GLRA3: variants seen among roughly 807,000 people sequenced by gnomAD.
The protein encoded by GLRA3 is glycine receptor alpha 3.
Under a neutral mutation model 60.4 loss-of-function variants are expected in GLRA3, and 44 were observed. The ratio of observed to expected loss-of-function variants is 0.73; its 90% confidence interval spans 0.57 to 0.94. The LOEUF is 0.94. GLRA3 is among the 40% of genes least tolerant of loss of function. The probability of loss-of-function intolerance (pLI) is 0.00; values close to 1 mark genes in which losing one functional copy is unlikely to be tolerated. For synonymous variants in GLRA3, 223 were observed against 192.9 expected (o/e 1.16, Z -1.29); for missense variants, 508 against 564.6 (o/e 0.90, Z 1.02).
rs920836756 is a variant in GLRA3, at chr4:174,786,005, T to C, written c.199+2811A>G. Reference sequence around the variant, plus strand: ...GCTGGTCTCAAACTCCTAGCCTCAATCAATCCTCCTGCCTCAGCCTCCCAA... The same window carrying C: ...GCTGGTCTCAAACTCCTAGCCTCAACCAATCCTCCTGCCTCAGCCTCCCAA... On this transcript the variant is annotated intron_variant, in intron 2 of 9. Transcript: ENST00000274093. 4.2e-5 allele frequency among the ~76,000 whole-genome samples: 6 copies of C among 141,550 alleles called. 1 individual carries two copies. The Admixed American group carries it at 4.5e-4, about 11-fold the overall frequency. The allele number at this position is 141,550 out of a possible 152,430, so 92.9% of individuals were successfully genotyped here. A position where few individuals can be genotyped will look rare whatever the true frequency, so the allele number is the denominator to read the frequency against.
chr4:174,687,360 T>A (rs1184941573), intron 5 of GLRA3, among the ~76,000 whole-genome samples: 2 of 152,196 alleles, frequency 1.3e-5, no homozygotes, highest in African/African-American at 4.8e-5. Flanking sequence ...CTTTTAATAT[T>A]CTGTGTGTCA....
chr4:174,775,074 G>C (rs1189106543), intron 2 of GLRA3, among the ~76,000 whole-genome samples: 1 of 152,044 alleles, frequency 6.6e-6, no homozygotes. Context: ...AAAAAATACA[G>C]GGTTTAGAAT....
At chr4:174,827,959 T>G (rs1351333560) in intron 1 of GLRA3, among the ~76,000 whole-genome samples, 1 of 152,100 alleles carries the variant, frequency 6.6e-6, no homozygotes, top group African/African-American at 2.4e-5. Context: ...TGGGTCAAAA[T>G]TCTATATGAG....
At chr4:174,660,882 C>T (rs182263077) in intron 7 of GLRA3, among the ~76,000 whole-genome samples, 10 of 152,202 alleles carry the variant, frequency 6.6e-5, no homozygotes, top group Non-Finnish European at 1.5e-4. Flanking sequence ...TTTTGATGCT[C>T]ACATTATTCT....
intron 2 of GLRA3, among the ~76,000 whole-genome samples, chr4:174,785,164 T>C (rs1052442805): frequency 6.6e-6 from 1 of 152,126 alleles, no homozygotes; most frequent in East Asian, 1.9e-4. Flanking sequence ...TTTTAAAGTG[T>C]ACTTTTTAAA....
intron 1 of GLRA3, among the ~76,000 whole-genome samples, chr4:174,807,235 T>C (rs1740088102): frequency 6.6e-6 from 1 of 152,016 alleles, no homozygotes; most frequent in South Asian, 2.1e-4. Context: ...ACCATGAAAA[T>C]AACTTACAGA....
rs200219894 is a variant in GLRA3, at chr4:174,647,722, GA to G, written c.1117-3659del. ...CAACAGGTCAAAATAACTTCAGTTT[GA>G]AAAAAAAAATAACTCAGTATGTTCC... is the stretch of plus-strand genomic sequence containing the variant. On this transcript the variant is annotated intron_variant, in intron 9 of 9. Transcript: ENST00000274093. Among the ~76,000 whole-genome samples, 1,024 of 148,778 alleles carry G rather than the reference GA, an allele frequency of 6.9e-3. 12 individuals carry two copies. The highest frequency in any genetic ancestry group is 0.021 in the African/African-American group (849 of 40,666).
intron 7 of GLRA3, among the ~76,000 whole-genome samples, chr4:174,665,236 ACTT>A (rs1436092607): frequency 1.9e-5 from 1 of 52,890 alleles, no homozygotes; most frequent in Non-Finnish European, 3.5e-5. Flanking sequence ...CTTTGTATTT[ACTT>A]TTTTTTTTTT....
chr4:174,783,420 A>G (rs1406858107), intron 2 of GLRA3, among the ~76,000 whole-genome samples: 2 of 130,706 alleles, frequency 1.5e-5, no homozygotes. Context: ...CAAGGACTTC[A>G]TGTCTAAAAC....
At chr4:174,811,114 CAG>C (rs143695330) in intron 1 of GLRA3, among the ~76,000 whole-genome samples, 1,611 of 148,156 alleles carry the variant, frequency 0.011, 20 homozygotes, top group African/African-American at 0.035. Context: ...CACACACACA[CAG>C]AGAGATGCAT....
intron 5 of GLRA3, among the ~76,000 whole-genome samples, chr4:174,709,748 C>A (rs1395873236): frequency 1.3e-5 from 2 of 152,018 alleles, no homozygotes; most frequent in African/African-American, 4.8e-5. Flanking sequence ...GAACTTGGAA[C>A]ATATAAACGG....
At chr4:174,741,779 C>T (rs1458891331) in intron 3 of GLRA3, among the ~76,000 whole-genome samples, 1 of 151,940 alleles carries the variant, frequency 6.6e-6, no homozygotes, top group Non-Finnish European at 1.5e-5. Flanking sequence ...GGTATGAGTA[C>T]GTATTGCAGC....
chr4:174,741,583 T>G (rs555663538), intron 3 of GLRA3, among the ~76,000 whole-genome samples: 1 of 145,584 alleles, frequency 6.9e-6, no homozygotes, highest in Admixed American at 6.7e-5. Flanking sequence ...GGTGTTTAAT[T>G]ATGATAAAGA....
In GLRA3 at chr4:174,698,766, T is replaced by TA. The variant is rs1481254058; in HGVS notation, c.575-15828dup. 2.0e-5 allele frequency among the ~76,000 whole-genome samples: 3 copies of TA among 152,106 alleles called. No homozygotes were observed. The East Asian group carries it at 5.8e-4, about 29-fold the overall frequency. On this transcript the variant is annotated intron_variant, in intron 5 of 9. Transcript: ENST00000274093. ...TGTGCAACTTCTCCTTAAGGTGAGA[T>TA]AAAAAATGTCTATTATTGCAATATA...
chr4:174,680,563 G>A (rs1050556939), intron 6 of GLRA3, among the ~76,000 whole-genome samples: 10 of 152,212 alleles, frequency 6.6e-5, no homozygotes, highest in African/African-American at 1.2e-4. Context: ...GCAGAAGGAA[G>A]AGCAAGAGCA....
At chr4:174,786,324 T>G (rs1739128869) in intron 2 of GLRA3, among the ~76,000 whole-genome samples, 1 of 151,498 alleles carries the variant, frequency 6.6e-6, no homozygotes. Flanking sequence ...AGAGAAAAAA[T>G]GAGTGCAATA....
At position 174,651,430 on chromosome 4, in the gene GLRA3, C is replaced by T. The variant is rs974794883; in HGVS notation, c.1116+5313G>A. ...TTAGGGTGAGAGAAAATATATAAAC[C>T]ACCGGACAAAGCACTCAAATTGCTG... is the stretch of plus-strand genomic sequence containing the variant. On this transcript the variant is annotated intron_variant, in intron 9 of 9. Transcript: ENST00000274093. 1.3e-4 allele frequency among the ~76,000 whole-genome samples: 19 copies of T among 151,856 alleles called. 1 individual carries two copies. The highest frequency in any genetic ancestry group is 4.4e-4 in the African/African-American group (18 of 41,334).
chr4:174,644,870 T>C (rs1051648877), intron 9 of GLRA3, among the ~76,000 whole-genome samples: 4 of 151,720 alleles, frequency 2.6e-5, no homozygotes, highest in African/African-American at 7.3e-5. Context: ...AATAAAAAAT[T>C]ATTTAATAAT....
intron 1 of GLRA3, among the ~76,000 whole-genome samples, chr4:174,799,302 C>T (rs1348624278): frequency 6.6e-6 from 1 of 152,276 alleles, no homozygotes; most frequent in African/African-American, 2.4e-5. Context: ...TAAAACAAAC[C>T]AAAGCTTCCG....
Sources: gnomAD v4.1 joint callset for allele counts (sites outside exome capture counted in the v4.1 genomes callset) on GRCh38, gnomAD v4.1.1 for gene constraint, MANE v1.5 for transcripts, NCBI Gene and HGNC (gene_info 2026-07-23, HGNC 2026-07-21) for gene names.